ANKRD26: variants seen among roughly 807,000 people sequenced by gnomAD.
ANKRD26 encodes the protein ankyrin repeat domain-containing protein 26.
Under a neutral mutation model 208.7 loss-of-function variants are expected in ANKRD26, and 141 were observed. That is an observed-to-expected ratio of 0.68 (90% confidence interval 0.59 to 0.78). ANKRD26 has a LOEUF of 0.78. Ranked by LOEUF, ANKRD26 falls within the 30% of genes least tolerant of loss-of-function variation. The pLI is 0.00. For missense variants in ANKRD26, 1,889 were observed against 1,938.7 expected (o/e 0.97, Z 0.48); for synonymous variants, 636 against 660.4 (o/e 0.96, Z 0.57).
chr10:27,061,805 C>G (rs1248221063), intron 12 of ANKRD26: 2 of 382,428 alleles, frequency 5.2e-6, no homozygotes, highest in Non-Finnish European at 7.2e-6. Flanking sequence ...GCTCCAGCAA[C>G]CCACCCACCT....
At position 27,005,395 on chromosome 10, in the gene ANKRD26, T is replaced by C; in HGVS notation, c.*195A>G. 1.5e-6 allele frequency: 2 copies of C among 1,328,532 alleles called. No individual in the cohort carries two copies. The highest frequency in any genetic ancestry group is 1.9e-6 in the Non-Finnish European group (2 of 1,039,646). 82.3% of individuals were successfully genotyped at this position (1,328,532 alleles called of 1,614,324 possible). A position where few individuals can be genotyped will look rare whatever the true frequency, so the allele number is the denominator to read the frequency against. On this transcript the variant is annotated 3_prime_UTR_variant, in exon 34 of 34. Transcript: ENST00000376087. Reference sequence around the variant, plus strand: ...GGCAGTTTGAGTATGTAAAACTCAATATTCCTGGTTTTCATTGGCAAAATC... The same window carrying C: ...GGCAGTTTGAGTATGTAAAACTCAACATTCCTGGTTTTCATTGGCAAAATC...
chr10:27,076,375 G>T (rs556292037), intron 9 of ANKRD26, among the ~76,000 whole-genome samples: 2 of 151,422 alleles, frequency 1.3e-5, no homozygotes, highest in African/African-American at 4.9e-5. Flanking sequence ...TGATTCTCCT[G>T]CCTCAGCCTC....
intron 5 of ANKRD26, among the ~76,000 whole-genome samples, chr10:27,084,218 C>CAAAAAAAAA (rs1275450082): frequency 4.9e-5 from 4 of 82,432 alleles, no homozygotes; most frequent in African/African-American, 7.3e-5. Flanking sequence ...AACTACATCT[C>CAAAAAAAAA]AAAAAAAAAA....
chr10:27,000,785 C>A (rs1168041475), downstream of ANKRD26, among the ~76,000 whole-genome samples: 1 of 152,142 alleles, frequency 6.6e-6, no homozygotes, highest in Non-Finnish European at 1.5e-5. Flanking sequence ...AGGTGGATCA[C>A]CTGAGGTCAG....
intron 1 of ANKRD26, among the ~76,000 whole-genome samples, chr10:27,098,791 C>T (rs1467408864): frequency 2.6e-5 from 4 of 152,060 alleles, no homozygotes; most frequent in South Asian, 2.1e-4. Flanking sequence ...CCTCGTGATC[C>T]GCCCGCCTCG....
chr10:27,098,818 G>A (rs2056552408), intron 1 of ANKRD26, among the ~76,000 whole-genome samples: 1 of 152,114 alleles, frequency 6.6e-6, no homozygotes, highest in Non-Finnish European at 1.5e-5. Flanking sequence ...CGAAGTGCTG[G>A]GATTACAGGC....
intron 4 of ANKRD26, among the ~76,000 whole-genome samples, chr10:27,089,719 G>A (rs1210837173): frequency 1.3e-5 from 2 of 152,204 alleles, no homozygotes; most frequent in Admixed American, 6.5e-5. Context: ...CTTAGCCCAC[G>A]GCTTGAAGCT....
In ANKRD26 at chr10:26,978,371, G is replaced by A. The variant is rs978395659; in HGVS notation, c.*281+2205C>T. Among the ~76,000 whole-genome samples the A allele has an allele frequency of 2.6e-5, 4 of 152,202 alleles. 1 individual carries two copies. Among genetic ancestry groups the A allele is most frequent in the Non-Finnish European group, 2.9e-5 (2 of 67,986 alleles). ...CTGGGGAGGCTGAGCTAGGAGAATCGTTTGAACCCGGGAGGCAGAGGTTGC... is the reference window on the plus strand; with the variant it reads ...CTGGGGAGGCTGAGCTAGGAGAATCATTTGAACCCGGGAGGCAGAGGTTGC... On this transcript the variant is annotated intron_variant and NMD_transcript_variant, in intron 5 of 5. Transcript: ENST00000674670.
At chr10:27,037,725 G>C (rs2135217661) in intron 22 of ANKRD26, 146 bp downstream of exon 22, 1 of 686,406 alleles carries the variant, frequency 1.5e-6, no homozygotes, top group East Asian at 2.8e-5. Flanking sequence ...GATTTATCAT[G>C]AATAATTTTA....
intron 28 of ANKRD26, 26 bp from the exon 29 acceptor site, chr10:27,022,713 C>G (rs374183839): frequency 3.2e-6 from 5 of 1,565,796 alleles, no homozygotes; most frequent in Non-Finnish European, 2.6e-6. Context: ...AAATGAGTAA[C>G]TCAAGTTTTA....
intron 27 of ANKRD26, among the ~76,000 whole-genome samples, chr10:27,027,570 A>T (rs1158202230): frequency 6.6e-6 from 1 of 152,204 alleles, no homozygotes; most frequent in African/African-American, 2.4e-5. Flanking sequence ...TTTTTAGTCT[A>T]TCATAATCTT....
intron 15 of ANKRD26, among the ~76,000 whole-genome samples, chr10:27,055,253 C>T (rs1216437478): frequency 6.6e-6 from 1 of 152,144 alleles, no homozygotes; most frequent in Non-Finnish European, 1.5e-5. Context: ...TTTTCTGTTT[C>T]ATGTCTTCCT....
chr10:26,950,431 C>T, the ANKRD26 span, among the ~76,000 whole-genome samples: 11 of 152,182 alleles, frequency 7.2e-5, no homozygotes, highest in South Asian at 1.7e-3. Context: ...AGTGTGAAAA[C>T]GTACTAATAT....
chr10:27,039,196 G>A (rs2054144908), intron 21 of ANKRD26, among the ~76,000 whole-genome samples: 1 of 152,150 alleles, frequency 6.6e-6, no homozygotes, highest in South Asian at 2.1e-4. Flanking sequence ...GCTCATGCCT[G>A]TAATCACAGC....
At chr10:26,967,977 C>T in the ANKRD26 span, among the ~76,000 whole-genome samples, 4 of 152,152 alleles carry the variant, frequency 2.6e-5, no homozygotes, top group Non-Finnish European at 4.4e-5. Context: ...CCCCTCAATC[C>T]GCATTCGACT....
intron 21 of ANKRD26, 146 bp from the exon 22 acceptor site, chr10:27,038,200 T>A: frequency 1.4e-6 from 1 of 714,120 alleles, no homozygotes; most frequent in Non-Finnish European, 2.3e-6. Flanking sequence ...CTCTGATTTT[T>A]AATTTCTCAC....
chr10:27,095,101 A>C (rs2056424830), intron 1 of ANKRD26, among the ~76,000 whole-genome samples: 1 of 152,176 alleles, frequency 6.6e-6, no homozygotes, highest in Non-Finnish European at 1.5e-5. Flanking sequence ...GCCACTTGTA[A>C]TTCATGATTT....
At chr10:27,028,050 A>T (rs2135103166) in intron 27 of ANKRD26, among the ~76,000 whole-genome samples, 1 of 152,338 alleles carries the variant, frequency 6.6e-6, no homozygotes, top group South Asian at 2.1e-4. Context: ...GGCTAGGCTA[A>T]GCTATGATGT....
At chr10:27,023,979 T>TGCAC (rs113959763) in intron 28 of ANKRD26, among the ~76,000 whole-genome samples, 1 of 142,156 alleles carries the variant, frequency 7.0e-6, no homozygotes, top group East Asian at 2.0e-4. Flanking sequence ...ATTTTATTAC[T>TGCAC]ACACACACAC....
Sources: gnomAD v4.1 joint callset for allele counts (sites outside exome capture counted in the v4.1 genomes callset) on GRCh38, gnomAD v4.1.1 for gene constraint, MANE v1.5 for transcripts, NCBI Gene and HGNC (gene_info 2026-07-23, HGNC 2026-07-21) for gene names.